The following DCC variants were observed in gnomAD, a reference collection of about 807,000 sequenced individuals.
DCC encodes DCC netrin 1 receptor, also known as netrin receptor DCC.
In DCC, 58 loss-of-function variants were observed where a neutral mutation model predicts 172.5. That is an observed-to-expected ratio of 0.34 (90% confidence interval 0.27 to 0.42). The LOEUF (loss-of-function observed/expected upper bound fraction) is 0.42, where lower values mean the gene tolerates loss of function less well. Among genes scored for constraint, DCC ranks in the 10% least tolerant of loss-of-function variants. The pLI is 1.00. For missense variants in DCC, 1,740 were observed against 1,791.0 expected, an observed-to-expected ratio of 0.97 and a Z score of 0.51; for synonymous variants, 709 against 644.5, an observed-to-expected ratio of 1.10 and a Z score of -1.52.
chr18:52,442,817 C>T (rs1301104002), intron 1 of DCC, among the ~76,000 whole-genome samples: 2 of 152,166 alleles, frequency 1.3e-5, no homozygotes, highest in African/African-American at 4.8e-5. Flanking sequence ...CAGAGCTCCG[C>T]CATTACCTTG....
intron 2 of DCC, among the ~76,000 whole-genome samples, chr18:52,844,325 C>T (rs11878092): frequency 0.027 from 4,048 of 151,830 alleles, 163 homozygotes; most frequent in African/African-American, 0.089. Flanking sequence ...GATAGGCAGA[C>T]AGACAGACAG....
rs538941071 is a variant in DCC at position 52,981,184 on chromosome 18, T to C, written c.985+55814T>C. Among the ~76,000 whole-genome samples the C allele has an allele frequency of 2.6e-5, 4 of 152,206 alleles. No individual in the cohort carries two copies. In the East Asian group the frequency reaches 5.8e-4, roughly 22 times the overall value. ...ATTTATCTTTATATGGTCAAAATTA[T>C]TTTATATTCTGATTTTGGTAAAAGC... On this transcript the variant is annotated intron_variant, in intron 5 of 28. Transcript: ENST00000442544.
At chr18:53,250,052 T>C (rs2056410937) in intron 12 of DCC, among the ~76,000 whole-genome samples, 1 of 151,968 alleles carries the variant, frequency 6.6e-6, no homozygotes, top group Non-Finnish European at 1.5e-5. Context: ...CTCTATGATG[T>C]TGAAAAGACA....
chr18:52,400,462 G>A (rs1342986281), intron 1 of DCC, among the ~76,000 whole-genome samples: 1 of 152,084 alleles, frequency 6.6e-6, no homozygotes, highest in African/African-American at 2.4e-5. Context: ...TGGAGAGGAT[G>A]TGGAGAAATA....
intron 2 of DCC, among the ~76,000 whole-genome samples, chr18:52,858,243 A>T (rs1477728272): frequency 6.6e-6 from 1 of 152,230 alleles, no homozygotes; most frequent in Non-Finnish European, 1.5e-5. Context: ...TGCTTTCTCA[A>T]GCCTCAAAGA....
chr18:52,847,809 A>G (rs893467003), intron 2 of DCC, among the ~76,000 whole-genome samples: 42 of 152,224 alleles, frequency 2.8e-4, no homozygotes, highest in African/African-American at 8.4e-4. Flanking sequence ...GACGTACCCT[A>G]GTTGAATGGT....
intron 1 of DCC, among the ~76,000 whole-genome samples, chr18:52,494,566 T>C (rs1379053083): frequency 6.6e-6 from 1 of 152,092 alleles, no homozygotes; most frequent in Non-Finnish European, 1.5e-5. Context: ...TCCTTCATTT[T>C]ACTAATCCTG....
intron 1 of DCC, among the ~76,000 whole-genome samples, chr18:52,637,728 C>G (rs997516146): frequency 6.6e-6 from 1 of 152,122 alleles, no homozygotes; most frequent in Non-Finnish European, 1.5e-5. Context: ...ATTCTAAAAG[C>G]TTGGAAAACA....
chr18:52,569,650 G>A (rs1427328307), intron 1 of DCC, among the ~76,000 whole-genome samples: 1 of 152,124 alleles, frequency 6.6e-6, no homozygotes, highest in African/African-American at 2.4e-5. Flanking sequence ...TAAGGTTTCC[G>A]ATGTTTATCT....
chr18:52,723,428 A>G (rs191517968), intron 1 of DCC, among the ~76,000 whole-genome samples: 1 of 152,324 alleles, frequency 6.6e-6, no homozygotes, highest in Admixed American at 6.5e-5. Context: ...GTGAGGAGCC[A>G]GAACACCAAG....
At chr18:53,181,169 C>T (rs1450615524) in intron 9 of DCC, among the ~76,000 whole-genome samples, 1 of 152,076 alleles carries the variant, frequency 6.6e-6, no homozygotes, top group African/African-American at 2.4e-5. Context: ...TGCTCATTTT[C>T]AAAAGATCAA....
At chr18:52,445,959 G>A (rs1338513682) in intron 1 of DCC, among the ~76,000 whole-genome samples, 1 of 152,036 alleles carries the variant, frequency 6.6e-6, no homozygotes, top group Non-Finnish European at 1.5e-5. Context: ...ACGGAGTCTC[G>A]CTCGCTCTGT....
At chr18:52,692,670 G>T (rs1339524292) in intron 1 of DCC, among the ~76,000 whole-genome samples, 2 of 152,074 alleles carry the variant, frequency 1.3e-5, no homozygotes, top group Non-Finnish European at 2.9e-5. Context: ...GGCCTCAAGT[G>T]ATCCTCCTGC....
chr18:52,566,992 A>G (rs567692373), intron 1 of DCC, among the ~76,000 whole-genome samples: 220 of 152,302 alleles, frequency 1.4e-3, no homozygotes, highest in African/African-American at 5.1e-3. Flanking sequence ...CTTTTCATGC[A>G]TTTATAGTGA....
At chr18:53,453,658 T>C (rs2045445683) in intron 23 of DCC, among the ~76,000 whole-genome samples, 1 of 152,312 alleles carries the variant, frequency 6.6e-6, no homozygotes, top group Admixed American at 6.5e-5. Context: ...ATTTTTATTA[T>C]ATAAAATAGC....
intron 4 of DCC, among the ~76,000 whole-genome samples, chr18:52,924,603 T>G (rs542393424): frequency 7.9e-5 from 12 of 152,242 alleles, no homozygotes; most frequent in African/African-American, 2.9e-4. Flanking sequence ...ATTTCATTGA[T>G]TTTTGAGGAC....
At position 53,260,856 on chromosome 18, in the gene DCC, T is replaced by TC. The variant is rs1183266208; in HGVS notation, c.1912-44721dup. On this transcript the variant is annotated intron_variant, in intron 12 of 28. Coordinates refer to ENST00000442544, the MANE Select transcript of DCC (RefSeq NM_005215.4). ...TGAACTGTGGTGGGCTCCACCCTGT[T>TC]CGAGCTTCAGGGCCGCTTTGTTTAC... Among the ~76,000 whole-genome samples, 2 of 152,148 alleles carry TC rather than the reference T, an allele frequency of 1.3e-5. 1 individual carries two copies. Among genetic ancestry groups the TC allele is most frequent in the African/African-American group, 4.8e-5 (2 of 41,432 alleles).
At chr18:53,322,771 A>G (rs912338618) in intron 14 of DCC, among the ~76,000 whole-genome samples, 1 of 151,770 alleles carries the variant, frequency 6.6e-6, no homozygotes, top group Non-Finnish European at 1.5e-5. Context: ...CTCTGGAAAT[A>G]AAAACATCAT....
Position 52,649,372 on chromosome 18 carries a change from CAA to C in DCC, c.92-102666_92-102665del, listed in dbSNP as rs74178677. 1.6e-3 allele frequency among the ~76,000 whole-genome samples: 194 copies of C among 124,006 alleles called. 1 individual carries two copies. The highest frequency in any genetic ancestry group is 8.5e-3 in the East Asian group (35 of 4,136). The allele number at this position is 124,006 out of a possible 152,430, so 81.4% of individuals were successfully genotyped here. A position where few individuals can be genotyped will look rare whatever the true frequency, so the allele number is the denominator to read the frequency against. On this transcript the variant is annotated intron_variant, in intron 1 of 28. Coordinates refer to ENST00000442544, the MANE Select transcript of DCC (RefSeq NM_005215.4). ...TGGGTGACAGAGTGAGATTCCGTATCAAAAAAAAAAAAAAAAAGATTAACTTT... is the reference window on the plus strand; with the variant it reads ...TGGGTGACAGAGTGAGATTCCGTATCAAAAAAAAAAAAAAAGATTAACTTT...
Sources: allele counts gnomAD v4.1 joint callset (sites outside exome capture counted in the v4.1 genomes callset), GRCh38; gene constraint gnomAD v4.1.1; transcripts MANE v1.5; gene names NCBI Gene and HGNC (gene_info 2026-07-23, HGNC 2026-07-21).